ZPBP: variants seen among roughly 807,000 people sequenced by gnomAD.
ZPBP encodes the protein zona pellucida binding protein.
Under a neutral mutation model 44.8 loss-of-function variants are expected in ZPBP, and 26 were observed. That is an observed-to-expected ratio of 0.58 (90% CI 0.43 to 0.81). The LOEUF is 0.81. Among genes scored for constraint, ZPBP ranks in the 30% least tolerant of loss-of-function variants. The pLI is 0.00. For missense variants in ZPBP, 409 were observed against 434.0 expected (o/e 0.94, Z 0.51); for synonymous variants, 174 against 153.2 (o/e 1.14, Z -1.00).
intron 1 of ZPBP, chr7:49,912,594 T>G (rs1220610940): frequency 1.9e-5 from 3 of 157,538 alleles, no homozygotes; most frequent in Admixed American, 1.9e-4. Context: ...CACCCAGGAA[T>G]GTTCCCCCTG....
chr7:49,866,084 C>G (rs779550098), intron 2 of ZPBP, among the ~76,000 whole-genome samples: 1 of 152,088 alleles, frequency 6.6e-6, no homozygotes, highest in Non-Finnish European at 1.5e-5. Flanking sequence ...AAATGTGAAA[C>G]GGTTTCATTC....
intron 5 of ZPBP, among the ~76,000 whole-genome samples, chr7:50,019,512 G>T (rs1360169829): frequency 6.6e-6 from 1 of 151,964 alleles, no homozygotes; most frequent in African/African-American, 2.4e-5. Flanking sequence ...ATATAATCTT[G>T]AAGAGGGATC....
intron 6 of ZPBP, among the ~76,000 whole-genome samples, chr7:50,001,035 C>T (rs1426471289): frequency 1.3e-5 from 2 of 152,136 alleles, no homozygotes; most frequent in Non-Finnish European, 2.9e-5. Flanking sequence ...ACATGGCCAT[C>T]TGCATGCCAA....
intron 1 of ZPBP, chr7:49,912,266 A>C (rs1793497345): frequency 7.0e-7 from 1 of 1,422,260 alleles, no homozygotes; most frequent in Admixed American, 2.2e-5. Context: ...GGGAACTATC[A>C]GTCAAAGAAG....
At chr7:50,021,962 A>G (rs1799118838) in intron 5 of ZPBP, among the ~76,000 whole-genome samples, 1 of 152,194 alleles carries the variant, frequency 6.6e-6, no homozygotes, top group East Asian at 1.9e-4. Flanking sequence ...AATTTGTCAC[A>G]TACTAGGTGT....
chr7:49,989,307 G>A (rs1797458122), intron 6 of ZPBP, among the ~76,000 whole-genome samples: 2 of 152,150 alleles, frequency 1.3e-5, no homozygotes, highest in African/African-American at 4.8e-5. Flanking sequence ...GTTTCTAACA[G>A]GCCCGGGAAC....
At chr7:49,860,772 G>A (rs1331282332) in intron 2 of ZPBP, among the ~76,000 whole-genome samples, 1 of 152,198 alleles carries the variant, frequency 6.6e-6, no homozygotes, top group African/African-American at 2.4e-5. Context: ...TCATAAGGGT[G>A]AGGCCTTAAT....
intron 7 of ZPBP, among the ~76,000 whole-genome samples, chr7:49,981,508 T>C (rs1216756477): frequency 1.2e-5 from 1 of 82,014 alleles, no homozygotes; most frequent in Non-Finnish European, 2.1e-5. Context: ...ATAAATTATA[T>C]ATGGTATATT....
chr7:49,900,894 G>A (rs553778866), intron 2 of ZPBP, among the ~76,000 whole-genome samples: 2 of 151,968 alleles, frequency 1.3e-5, no homozygotes, highest in African/African-American at 4.8e-5. Context: ...CCAACCATGT[G>A]TAAGAATAAT....
chr7:49,990,885 C>T (rs1007902370), intron 6 of ZPBP, among the ~76,000 whole-genome samples: 2 of 152,072 alleles, frequency 1.3e-5, no homozygotes, highest in Non-Finnish European at 2.9e-5. Flanking sequence ...GATTAGTTAA[C>T]TAATTAGTCT....
chr7:49,888,504 G>A (rs1279739445), intron 2 of ZPBP, among the ~76,000 whole-genome samples: 1 of 152,110 alleles, frequency 6.6e-6, no homozygotes, highest in Admixed American at 6.5e-5. Flanking sequence ...CACTATGAAG[G>A]GGTTAAGACC....
At chr7:49,926,090 T>C (rs540610002) in intron 1 of ZPBP, among the ~76,000 whole-genome samples, 1 of 152,312 alleles carries the variant, frequency 6.6e-6, no homozygotes, top group East Asian at 1.9e-4. Context: ...TAGTGAAGCA[T>C]TCCATCTGCC....
intron 6 of ZPBP, among the ~76,000 whole-genome samples, chr7:49,995,743 CATT>C (rs538992842): frequency 6.6e-4 from 101 of 152,184 alleles, no homozygotes; most frequent in African/African-American, 2.3e-3. Context: ...AACTGGAGAC[CATT>C]ATGTTACGTG....
intron 1 of ZPBP, among the ~76,000 whole-genome samples, chr7:49,902,689 C>T (rs1019617832): frequency 6.6e-6 from 1 of 151,776 alleles, no homozygotes; most frequent in African/African-American, 2.4e-5. Context: ...AACTTTAGGA[C>T]GTAGGGCTTC....
chr7:49,990,704 G>C (rs1797533835), intron 6 of ZPBP, among the ~76,000 whole-genome samples: 1 of 152,008 alleles, frequency 6.6e-6, no homozygotes. Context: ...TGAGCAATCT[G>C]TAAAATAAAC....
Position 50,058,284 on chromosome 7 carries a change from G to C in ZPBP, c.335-143C>G. 4.8e-6 allele frequency: 4 copies of C among 835,028 alleles called. No individual in the cohort carries two copies. In the South Asian group the frequency reaches 5.8e-5, roughly 12 times the overall value. 51.7% of individuals were successfully genotyped at this position (835,028 alleles called of 1,614,324 possible). A position where few individuals can be genotyped will look rare whatever the true frequency, so the allele number is the denominator to read the frequency against. On this transcript the variant is annotated intron_variant, in intron 3 of 7. Transcript: ENST00000046087. ...GGGCATAGCTAGGACATTACATCTG[G>C]TATCTGCTAACAGTGGATGCCAGGA...
chr7:50,062,116 A>T (rs1368441631), intron 3 of ZPBP, among the ~76,000 whole-genome samples: 1 of 152,212 alleles, frequency 6.6e-6, no homozygotes, highest in Non-Finnish European at 1.5e-5. Context: ...ACAGTTAACA[A>T]GGGAGGTGAA....
intron 4 of ZPBP, among the ~76,000 whole-genome samples, chr7:50,036,418 G>A (rs768577566): frequency 2.6e-5 from 4 of 152,156 alleles, no homozygotes; most frequent in Non-Finnish European, 5.9e-5. Flanking sequence ...CCAAAGTGCT[G>A]GGATTACAGG....
chr7:49,864,923 G>A (rs1252973032), intron 2 of ZPBP, among the ~76,000 whole-genome samples: 3 of 152,134 alleles, frequency 2.0e-5, no homozygotes, highest in African/African-American at 4.8e-5. Context: ...TGTTTTCCAC[G>A]TTTCTAATGA....
Sources: allele counts gnomAD v4.1 joint callset (sites outside exome capture counted in the v4.1 genomes callset), GRCh38; gene constraint gnomAD v4.1.1; transcripts MANE v1.5; gene names NCBI Gene and HGNC (gene_info 2026-07-23, HGNC 2026-07-21).